GABRG3: variants seen among roughly 807,000 people sequenced by gnomAD.
The protein encoded by GABRG3 is gamma-aminobutyric acid receptor subunit gamma-3.
Under a neutral mutation model 48.8 loss-of-function variants are expected in GABRG3, and 25 were observed. That is an observed-to-expected ratio of 0.51 (90% CI 0.37 to 0.72). The LOEUF is 0.72. Among genes scored for constraint, GABRG3 ranks in the 30% least tolerant of loss-of-function variants. The pLI is 0.00. For synonymous variants in GABRG3, 227 were observed against 217.6 expected (o/e 1.04, Z -0.38); for missense variants, 394 against 577.9 (o/e 0.68, Z 3.26).
chr15:27,379,288 C>G (rs1189862237), intron 5 of GABRG3, among the ~76,000 whole-genome samples: 5 of 152,194 alleles, frequency 3.3e-5, no homozygotes, highest in Non-Finnish European at 7.3e-5. Flanking sequence ...TCCAAATCCA[C>G]TTTCAAATAA....
intron 3 of GABRG3, among the ~76,000 whole-genome samples, chr15:27,154,622 G>A (rs1595555293): frequency 6.6e-6 from 1 of 152,240 alleles, no homozygotes; most frequent in African/African-American, 2.4e-5. Context: ...CTGTTAATGT[G>A]GAAGATTATA....
rs1420950931 is a variant in GABRG3 at position 27,026,791 on chromosome 15, C to T, written c.240C>T (p.Asn80=). The change falls in exon 3 of 10, where the codon AAC becomes AAT. Residue 80 remains asparagine (N), a synonymous_variant. Transcript: ENST00000615808. The part of the protein sequence containing the change: ...PTVIDVDIYV[N]SIGPVSSINM... ...TAATTGACGTTGACATTTATGTTAA[C>T]AGCATTGGTCCTGTGTCATCAATAA... 2 of 1,611,678 alleles carry T rather than the reference C, an allele frequency of 1.2e-6. No homozygotes were observed. Among genetic ancestry groups the T allele is most frequent in the Non-Finnish European group, 1.7e-6 (2 of 1,179,212 alleles).
rs1034312851 is a variant in GABRG3 at position 27,306,369 on chromosome 15, ATAAT to A, written c.271-20439_271-20436del. 1.6e-3 allele frequency among the ~76,000 whole-genome samples: 225 copies of A among 140,718 alleles called. 3 individuals are homozygous for A. The highest frequency in any genetic ancestry group is 2.6e-3 in the Non-Finnish European group (170 of 65,694). The allele number at this position is 140,718 out of a possible 152,430, so 92.3% of individuals were successfully genotyped here. A position where few individuals can be genotyped will look rare whatever the true frequency, so the allele number is the denominator to read the frequency against. ...AACATGTCTACATATAAACATATAT[ATAAT>A]ATAAACATGTCTACATGTAAACATA... On this transcript the variant is annotated intron_variant, in intron 3 of 9. Transcript: ENST00000615808.
intron 3 of GABRG3, among the ~76,000 whole-genome samples, chr15:27,209,450 C>T (rs1050963675): frequency 5.9e-5 from 9 of 151,330 alleles, no homozygotes; most frequent in Non-Finnish European, 7.4e-5. Flanking sequence ...AGTGCAGTGG[C>T]GCTATCCCGG....
intron 3 of GABRG3, among the ~76,000 whole-genome samples, chr15:27,147,406 T>C (rs1042290771): frequency 2.0e-5 from 3 of 151,942 alleles, no homozygotes; most frequent in Admixed American, 1.3e-4. Flanking sequence ...TAAGAACAAG[T>C]AGACAGAAGA....
chr15:27,003,698 C>T (rs1218763401), intron 2 of GABRG3, among the ~76,000 whole-genome samples: 5 of 152,290 alleles, frequency 3.3e-5, no homozygotes, highest in East Asian at 3.9e-4. Context: ...TCCACAAAAC[C>T]GCCATTGTCA....
In GABRG3 at chr15:27,323,983, T is replaced by A. The variant is rs552906438; in HGVS notation, c.271-2826T>A. On this transcript the variant is annotated intron_variant, in intron 3 of 9. Transcript: ENST00000615808. ...ACCACTCTGCTTGTGTTTCACTTCA[T>A]CGTGAGTGATGTGGCCACACCCAGC... Among the ~76,000 whole-genome samples, 10 of 152,284 alleles carry A rather than the reference T, an allele frequency of 6.6e-5. No individual in the cohort carries two copies. The South Asian group carries it at 2.1e-3, about 32-fold the overall frequency.
At chr15:27,361,471 G>A (rs545792276) in intron 5 of GABRG3, among the ~76,000 whole-genome samples, 96 of 152,286 alleles carry the variant, frequency 6.3e-4, no homozygotes, top group African/African-American at 2.2e-3. Flanking sequence ...CCAGAGGACA[G>A]CATGAAAGGA....
At chr15:27,068,219 G>C (rs543405023) in intron 3 of GABRG3, among the ~76,000 whole-genome samples, 34 of 152,350 alleles carry the variant, frequency 2.2e-4, no homozygotes, top group Middle Eastern at 3.4e-3. Context: ...GGAAGGTGCT[G>C]GTGGAAGCTG....
chr15:27,263,294 C>T (rs1239432828), intron 3 of GABRG3, among the ~76,000 whole-genome samples: 1 of 152,170 alleles, frequency 6.6e-6, no homozygotes. Context: ...TGATCTCAAC[C>T]CCTGTGGTCA....
At chr15:27,209,333 TC>T (rs1888990431) in intron 3 of GABRG3, among the ~76,000 whole-genome samples, 1 of 142,512 alleles carries the variant, frequency 7.0e-6, no homozygotes, top group Non-Finnish European at 1.5e-5. Context: ...AAATGCTCTT[TC>T]TTTCTTTCTT....
chr15:27,292,234 GCACATGGA>G (rs1417433910), intron 3 of GABRG3, among the ~76,000 whole-genome samples: 1 of 147,780 alleles, frequency 6.8e-6, no homozygotes, highest in Non-Finnish European at 1.5e-5. Context: ...TGTGAATAGT[GCACATGGA>G]CACAGGGAGG....
At chr15:27,458,533 G>T in intron 5 of GABRG3, among the ~76,000 whole-genome samples, 1 of 152,112 alleles carries the variant, frequency 6.6e-6, no homozygotes, top group Non-Finnish European at 1.5e-5. Context: ...CAGCTGCCTC[G>T]CAATTTGAGG....
chr15:27,467,924 C>A (rs1028745976), intron 5 of GABRG3, among the ~76,000 whole-genome samples: 1 of 152,180 alleles, frequency 6.6e-6, no homozygotes, highest in Non-Finnish European at 1.5e-5. Context: ...TTACATTGGG[C>A]ACCACACTGA....
Position 27,387,991 on chromosome 15 carries a change from TAAGG to T in GABRG3, c.574+59122_574+59125del, listed in dbSNP as rs200059693. ...AAGGAAGGAAAGGAAGGAGGGAGGG[TAAGG>T]AAGGAAGGAAGGAAGGAAAGGGAGG... On this transcript the variant is annotated intron_variant, in intron 5 of 9. Transcript: ENST00000615808. 9.4e-3 allele frequency among the ~76,000 whole-genome samples: 193 copies of T among 20,576 alleles called. 3 individuals are homozygous for T. Among genetic ancestry groups the T allele is most frequent in the East Asian group, 0.026 (12 of 458 alleles). The allele number at this position is 20,576 out of a possible 152,430, so 13.5% of individuals were successfully genotyped here.
chr15:27,520,212 T>A, intron 7 of GABRG3, 88 bp downstream of exon 7: 2 of 1,249,278 alleles, frequency 1.6e-6, no homozygotes, highest in Non-Finnish European at 2.2e-6. Flanking sequence ...AAAGACTATT[T>A]AAATGTGAAT....
At chr15:27,501,108 C>T (rs546870944) in intron 6 of GABRG3, among the ~76,000 whole-genome samples, 44 of 152,072 alleles carry the variant, frequency 2.9e-4, no homozygotes, top group Admixed American at 9.8e-4. Context: ...CCCGCCACCA[C>T]GCCCAGCAAA....
rs208148 is a variant in GABRG3, at chr15:27,170,761, A to G, written c.270+143940A>G. Among the ~76,000 whole-genome samples, 1,102 of 152,310 alleles carry G rather than the reference A, an allele frequency of 7.2e-3. 15 individuals carry two copies. Among genetic ancestry groups the G allele is most frequent in the African/African-American group, 0.025 (1,046 of 41,554 alleles). On this transcript the variant is annotated intron_variant, in intron 3 of 9. Transcript: ENST00000615808. ...GTGAATCATGTAAAGAATGTAACAA[A>G]TAAGATGTGGGCAAGAAATATATGA...
intron 5 of GABRG3, among the ~76,000 whole-genome samples, chr15:27,387,834 A>G: frequency 1.2e-5 from 1 of 85,922 alleles, no homozygotes; most frequent in African/African-American, 4.4e-5. Flanking sequence ...GGAGAGAGGG[A>G]GAGAGGAAGG....
Sources: gnomAD v4.1 joint callset for allele counts (sites outside exome capture counted in the v4.1 genomes callset) on GRCh38, gnomAD v4.1.1 for gene constraint, MANE v1.5 for transcripts, NCBI Gene and HGNC (gene_info 2026-07-23, HGNC 2026-07-21) for gene names.